ZNF493: variants seen among roughly 807,000 people sequenced by gnomAD.
ZNF493 encodes zinc finger protein 493.
A neutral mutation model predicts 12.2 loss-of-function variants in ZNF493; 11 were observed. That is an observed-to-expected ratio of 0.90 (90% CI 0.57 to 1.50). The LOEUF is 1.50. Ranked by LOEUF, ZNF493 falls within the 40% of genes most tolerant of loss-of-function variation. ZNF493 has a pLI of 0.00. For missense variants in ZNF493, 950 were observed against 906.6 expected (o/e 1.05, Z -0.61); for synonymous variants, 286 against 302.6 (o/e 0.95, Z 0.57).
intron 3 of ZNF493, among the ~76,000 whole-genome samples, chr19:21,410,981 G>A (rs927937597): frequency 1.2e-4 from 18 of 151,756 alleles, no homozygotes; most frequent in Admixed American, 7.2e-4. Context: ...TTGTAGAGAC[G>A]GTTTCTCCAT....
chr19:21,412,830 C>A (rs1265005990), intron 3 of ZNF493: 1 of 328,382 alleles, frequency 3.0e-6, no homozygotes, highest in Non-Finnish European at 5.9e-6. Flanking sequence ...TTTCTAGATG[C>A]TTTTTTATTC....
At position 21,426,049 on chromosome 19, in the gene ZNF493, C is replaced by G; in HGVS notation, c.*1065C>G. On this transcript the variant is annotated 3_prime_UTR_variant, in exon 4 of 4. Coordinates refer to ENST00000392288, the MANE Select transcript of ZNF493 (RefSeq NM_001076678.3). ...GTGAAAAATATGGCAAAGGCTTTAA[C>G]TAGTCCTCAGTTCTTAACACACATA... The G allele has an allele frequency of 2.3e-6, 1 of 442,514 alleles. No individual in the cohort carries two copies. Among genetic ancestry groups the G allele is most frequent in the Admixed American group, 3.0e-5 (1 of 33,632 alleles). 27.4% of individuals were successfully genotyped at this position (442,514 alleles called of 1,614,324 possible).
intron 3 of ZNF493, among the ~76,000 whole-genome samples, chr19:21,416,085 T>C (rs1435471456): frequency 1.3e-5 from 2 of 152,234 alleles, no homozygotes; most frequent in Non-Finnish European, 1.5e-5. Context: ...CAGTTTCTCT[T>C]TATTTAGCAG....
rs1974184795 is a variant in ZNF493, at chr19:21,397,268, G to A, written c.30+1G>A. 6.2e-7 allele frequency: 1 copy of A among 1,614,126 alleles called. No homozygotes were observed. The highest frequency in any genetic ancestry group is 1.3e-5 in the African/African-American group (1 of 74,942). On this transcript the variant is annotated splice_donor_variant, in intron 1 of 3. Coordinates refer to ENST00000392288, the MANE Select transcript of ZNF493 (RefSeq NM_001076678.3). LOFTEE classifies it high-confidence loss of function. ...AGGACCCCCTGAAAGCCTAGACATG[G>A]TGAGAGTGCTGGGTCCGACATCACG...
Position 21,423,027 on chromosome 19 carries a change from G to GA in ZNF493, c.372dup (p.Gly125ArgfsTer3), listed in dbSNP as rs1382229982. On this transcript the variant is annotated frameshift_variant, in exon 4 of 4. Transcript: ENST00000392288. LOFTEE classifies it low-confidence loss of function (END_TRUNC). ...TGTGGACATAAGGATTTACAGTTAA[G>GA]AAAAGGATGTAAAAGTATGAATGAG... is the stretch of plus-strand genomic sequence containing the variant. 1.2e-6 allele frequency: 2 copies of GA among 1,613,088 alleles called. No homozygotes were observed. Among genetic ancestry groups the GA allele is most frequent in the African/African-American group, 2.7e-5 (2 of 74,874 alleles).
chr19:21,413,342 C>T (rs572897861), intron 3 of ZNF493: 9 of 394,468 alleles, frequency 2.3e-5, no homozygotes, highest in African/African-American at 1.9e-4. Flanking sequence ...GATAAATATG[C>T]CCAATAAGTA....
chr19:21,422,898 T>A lies in ZNF493; in HGVS notation c.254-15T>A, dbSNP rs765073284. ...TCTAGTAAGTGGAGTAATTTGATATTTTTATTTCTTTCAGTTATATGTTCT... is the reference window on the plus strand; with the variant it reads ...TCTAGTAAGTGGAGTAATTTGATATATTTATTTCTTTCAGTTATATGTTCT... On this transcript the variant is annotated splice_polypyrimidine_tract_variant and intron_variant, in intron 3 of 3. Transcript: ENST00000392288. 6.6e-7 allele frequency: 1 copy of A among 1,525,582 alleles called. No individual in the cohort carries two copies. The highest frequency in any genetic ancestry group is 2.3e-5 in the East Asian group (1 of 44,180). The allele number at this position is 1,525,582 out of a possible 1,614,324, so 94.5% of individuals were successfully genotyped here.
intron 3 of ZNF493, chr19:21,408,364 A>C: frequency 1.2e-6 from 1 of 862,936 alleles, no homozygotes. Context: ...TCCTGACCTC[A>C]GGTGATCCAC....
Position 21,425,156 on chromosome 19 carries a change from T to A in ZNF493, c.*172T>A. The A allele has an allele frequency of 2.5e-6, 2 of 815,588 alleles. No individual in the cohort carries two copies. Among genetic ancestry groups the A allele is most frequent in the African/African-American group, 1.7e-5 (1 of 57,806 alleles). 50.5% of individuals were successfully genotyped at this position (815,588 alleles called of 1,614,324 possible). A position where few individuals can be genotyped will look rare whatever the true frequency, so the allele number is the denominator to read the frequency against. On this transcript the variant is annotated 3_prime_UTR_variant, in exon 4 of 4. Coordinates refer to ENST00000392288, the MANE Select transcript of ZNF493 (RefSeq NM_001076678.3). ...ATTGATTCTCATACCTTACTAAATA[T>A]AAGATAATTCATATTGGAGAGAAAT...
chr19:21,418,395 C>T (rs2030556864), intron 3 of ZNF493, among the ~76,000 whole-genome samples: 1 of 152,194 alleles, frequency 6.6e-6, no homozygotes, highest in Admixed American at 6.5e-5. Flanking sequence ...TACCCTGATG[C>T]TTCCAAGCTC....
chr19:21,397,176 G>C lies in ZNF493; in HGVS notation c.-62G>C. 1.2e-6 allele frequency: 2 copies of C among 1,602,204 alleles called. No individual in the cohort carries two copies. The highest frequency in any genetic ancestry group is 1.7e-6 in the Non-Finnish European group (2 of 1,169,074). On this transcript the variant is annotated 5_prime_UTR_variant, in exon 1 of 4. Transcript: ENST00000392288. ...CGGAGCTCCAGGTCTACCCTTCACT[G>C]CTCTGTGTCCTCAGCGTGTGTGGCT... is the stretch of plus-strand genomic sequence containing the variant.
chr19:21,411,793 T>G (rs2030335302), intron 3 of ZNF493: 1 of 151,962 alleles, frequency 6.6e-6, no homozygotes, highest in Non-Finnish European at 1.5e-5. Context: ...AGATGGAGTT[T>G]TGCTCTTTCA....
intron 2 of ZNF493, 45 bp downstream of exon 2, chr19:21,405,300 T>C: frequency 6.4e-7 from 1 of 1,571,068 alleles, no homozygotes; most frequent in South Asian, 1.2e-5. Context: ...CCCTAAAGTT[T>C]TCATTTCTCT....
At chr19:21,417,515 G>C (rs559344946) in intron 3 of ZNF493, among the ~76,000 whole-genome samples, 1 of 152,296 alleles carries the variant, frequency 6.6e-6, no homozygotes, top group South Asian at 2.1e-4. Context: ...ACCTTTTTAA[G>C]AGACTCCTGT....
At position 21,425,485 on chromosome 19, in the gene ZNF493, G is replaced by A. The variant is rs2454920; in HGVS notation, c.*501G>A. 4.4e-6 allele frequency: 2 copies of A among 452,972 alleles called. No homozygotes were observed. Among genetic ancestry groups the A allele is most frequent in the African/African-American group, 4.1e-5 (2 of 48,910 alleles). 28.1% of individuals were successfully genotyped at this position (452,972 alleles called of 1,614,324 possible). ...GCTTTTAACAAATCCTCATCCATTAGTAAACATAAGATAATTCATACTGGA... is the reference window on the plus strand; with the variant it reads ...GCTTTTAACAAATCCTCATCCATTAATAAACATAAGATAATTCATACTGGA... On this transcript the variant is annotated 3_prime_UTR_variant, in exon 4 of 4. Transcript: ENST00000392288.
intron 3 of ZNF493, among the ~76,000 whole-genome samples, chr19:21,417,411 T>G (rs2030527785): frequency 6.6e-6 from 1 of 152,136 alleles, no homozygotes; most frequent in Non-Finnish European, 1.5e-5. Context: ...GTGCTTTCCC[T>G]CTGATAGGTC....
chr19:21,409,770 T>C (rs1048730918), intron 3 of ZNF493, among the ~76,000 whole-genome samples: 3 of 151,636 alleles, frequency 2.0e-5, no homozygotes, highest in Non-Finnish European at 2.9e-5. Flanking sequence ...ATTTCAGGCA[T>C]GTTAAGTATA....
rs767695804 is a variant in ZNF493 at position 21,424,798 on chromosome 19, C to G, written c.2139C>G (p.Cys713Trp). Reference sequence around the variant, plus strand: ...TAATTCATACTGGAGAGAAACCTTGCAAATGTGAAGAATGTGGCAAAGCTT... The same window carrying G: ...TAATTCATACTGGAGAGAAACCTTGGAAATGTGAAGAATGTGGCAAAGCTT... ...HKIIHTGEKP[C>W]KCEECGKAFN... Residue 713 changes from cysteine (C) to tryptophan (W), a missense_variant, in exon 4 of 4, where the codon TGC becomes TGG. Transcript: ENST00000392288. 9 of 1,613,456 alleles carry G rather than the reference C, an allele frequency of 5.6e-6. No homozygotes were observed. The African/African-American group carries it at 6.7e-5, about 12-fold the overall frequency.
In ZNF493 at chr19:21,424,183, A is replaced by T; in HGVS notation, c.1524A>T (p.Lys508Asn). The stretch of plus-strand genomic sequence containing the variant: ...AATCTTCAACCCTTAGTATACATAA[A>T]ATAATTCATACTGGAGAAAAACCCT... ...FNQSSTLSIH[K>N]IIHTGEKPYK... Residue 508 changes from lysine (K) to asparagine (N), a missense_variant, in exon 4 of 4, where the codon AAA becomes AAT. By Grantham distance (94) the Lys-to-Asn change is moderately conservative (BLOSUM62 0). Coordinates refer to ENST00000392288, the MANE Select transcript of ZNF493 (RefSeq NM_001076678.3). 6.2e-7 allele frequency: 1 copy of T among 1,609,242 alleles called. No individual in the cohort carries two copies. The highest frequency in any genetic ancestry group is 8.5e-7 in the Non-Finnish European group (1 of 1,178,190).
Sources: gnomAD v4.1 joint callset for allele counts (sites outside exome capture counted in the v4.1 genomes callset) on GRCh38, gnomAD v4.1.1 for gene constraint, MANE v1.5 for transcripts, NCBI Gene and HGNC (gene_info 2026-07-23, HGNC 2026-07-21) for gene names.